Variants in WDR70 observed in about 807,000 individuals in gnomAD.
WDR70 encodes WD repeat domain 70.
A neutral mutation model predicts 88.6 loss-of-function variants in WDR70; 53 were observed. The ratio of observed to expected loss-of-function variants is 0.60; its 90% CI spans 0.48 to 0.75. The LOEUF (loss-of-function observed/expected upper bound fraction) is 0.75, where lower values mean the gene tolerates loss of function less well. Among genes scored for constraint, WDR70 ranks in the 30% least tolerant of loss-of-function variants. WDR70 has a pLI of 0.00. For missense variants in WDR70, 610 were observed against 823.2 expected (o/e 0.74, Z 3.17); for synonymous variants, 280 against 270.0 (o/e 1.04, Z -0.36).
chr5:37,680,047 T>C (rs1217687549), intron 10 of WDR70, among the ~76,000 whole-genome samples: 2 of 152,216 alleles, frequency 1.3e-5, no homozygotes, highest in Non-Finnish European at 2.9e-5. Flanking sequence ...TCCACAACCT[T>C]GCCAGCATCG....
At chr5:37,682,990 T>C (rs1004569057) in intron 10 of WDR70, among the ~76,000 whole-genome samples, 3 of 152,234 alleles carry the variant, frequency 2.0e-5, no homozygotes, top group African/African-American at 4.8e-5. Flanking sequence ...TGAAGGTCTC[T>C]AAGAACTTGC....
chr5:37,700,266 T>G (rs904475229), intron 11 of WDR70: 1 of 152,226 alleles, frequency 6.6e-6, no homozygotes, highest in Non-Finnish European at 1.5e-5. Flanking sequence ...TAAGTTTGGC[T>G]TTTCTGTTCA....
At chr5:37,392,557 C>T (rs1313680059) in intron 4 of WDR70, among the ~76,000 whole-genome samples, 1 of 152,162 alleles carries the variant, frequency 6.6e-6, no homozygotes, top group African/African-American at 2.4e-5. Context: ...CCATGTTGGC[C>T]AGGCTGGTCT....
rs771687733 is a variant in WDR70, at chr5:37,392,096, G to C, written c.272G>C (p.Arg91Thr). ...ACATCCTCAAGATCAAATGTGGTCA[G>C]AGATTGCTCCAAATCATCTTCCAGG... ...EPTSSRSNVV[R>T]DCSKSSSRDT... Residue 91 changes from arginine (R) to threonine (T), a missense_variant, in exon 4 of 18, where the codon AGA becomes ACA. Physicochemically the swap from Arg to Thr is moderately conservative, Grantham distance 71 (BLOSUM62 -1). Coordinates refer to ENST00000265107, the MANE Select transcript of WDR70 (RefSeq NM_018034.4). 6.2e-7 allele frequency: 1 copy of C among 1,611,152 alleles called. No homozygotes were observed. Among genetic ancestry groups the C allele is most frequent in the Admixed American group, 1.7e-5 (1 of 59,256 alleles).
chr5:37,393,192 C>T (rs939364193), intron 4 of WDR70, among the ~76,000 whole-genome samples: 4 of 151,878 alleles, frequency 2.6e-5, no homozygotes, highest in African/African-American at 7.3e-5. Context: ...CAGGTGCCCA[C>T]CACCATGCCC....
chr5:37,741,914 A>C (rs1009825995), intron 17 of WDR70, among the ~76,000 whole-genome samples: 1 of 152,176 alleles, frequency 6.6e-6, no homozygotes, highest in African/African-American at 2.4e-5. Context: ...TTCAGGGTTC[A>C]TCTGTATTAC....
chr5:37,708,546 A>T (rs1316833325), intron 13 of WDR70, among the ~76,000 whole-genome samples: 2 of 152,152 alleles, frequency 1.3e-5, no homozygotes, highest in Non-Finnish European at 2.9e-5. Flanking sequence ...TTCACAAAAA[A>T]GTTTTTGTGT....
chr5:37,512,369 C>T (rs932945304), intron 8 of WDR70, among the ~76,000 whole-genome samples: 1 of 152,028 alleles, frequency 6.6e-6, no homozygotes, highest in African/African-American at 2.4e-5. Flanking sequence ...CTACAGGCAC[C>T]TGCCACCACA....
At chr5:37,620,708 A>G (rs1744484568) in intron 10 of WDR70, among the ~76,000 whole-genome samples, 1 of 152,202 alleles carries the variant, frequency 6.6e-6, no homozygotes, top group Non-Finnish European at 1.5e-5. Flanking sequence ...GTTAGAATCC[A>G]GAGTTTGAAA....
intron 12 of WDR70, 99 bp from the exon 13 acceptor site, chr5:37,702,850 G>A: frequency 8.0e-7 from 1 of 1,242,634 alleles, no homozygotes; most frequent in Admixed American, 2.1e-5. Flanking sequence ...GCCCTATATA[G>A]GAGTTACAGA....
intron 10 of WDR70, among the ~76,000 whole-genome samples, chr5:37,649,303 A>C (rs1745326701): frequency 6.6e-6 from 1 of 151,992 alleles, no homozygotes; most frequent in African/African-American, 2.4e-5. Context: ...TAAGACCAGA[A>C]ATACAGGTTG....
chr5:37,529,955 G>A (rs1741429634), intron 9 of WDR70, among the ~76,000 whole-genome samples: 1 of 152,034 alleles, frequency 6.6e-6, no homozygotes, highest in South Asian at 2.1e-4. Context: ...GTTGGCTGTG[G>A]GATTGTCATA....
chr5:37,429,101 T>G (rs979953234), intron 5 of WDR70, among the ~76,000 whole-genome samples: 1 of 152,222 alleles, frequency 6.6e-6, no homozygotes, highest in Admixed American at 6.5e-5. Context: ...CTCCTGAGTG[T>G]CTGGGACTGC....
chr5:37,454,381 G>T (rs1314064416), intron 7 of WDR70, among the ~76,000 whole-genome samples: 1 of 152,016 alleles, frequency 6.6e-6, no homozygotes, highest in Non-Finnish European at 1.5e-5. Context: ...TGCATCTTAT[G>T]ATTTCCATTC....
In WDR70 at chr5:37,752,656, A is replaced by G. The variant is rs903314769; in HGVS notation, c.*83A>G. On this transcript the variant is annotated 3_prime_UTR_variant, in exon 18 of 18. Coordinates refer to ENST00000265107, the MANE Select transcript of WDR70 (RefSeq NM_018034.4). ...TTTTTTTTTATGCTCATGAAATTAA[A>G]AATTCATTTTTATGAACAGGTTTTG... 2 of 1,014,140 alleles carry G rather than the reference A, an allele frequency of 2.0e-6. No individual in the cohort carries two copies. Among genetic ancestry groups the G allele is most frequent in the South Asian group, 3.0e-5 (2 of 65,582 alleles). 62.8% of individuals were successfully genotyped at this position (1,014,140 alleles called of 1,614,324 possible).
At chr5:37,506,083 T>A in intron 8 of WDR70, 1 of 1,273,942 alleles carries the variant, frequency 7.8e-7, no homozygotes, top group Non-Finnish European at 1.1e-6. Context: ...CATTCAAGAT[T>A]TGCACAGTAA....
At chr5:37,491,894 A>T (rs1224691018) in intron 8 of WDR70, among the ~76,000 whole-genome samples, 1 of 152,194 alleles carries the variant, frequency 6.6e-6, no homozygotes, top group African/African-American at 2.4e-5. Context: ...TTTTCTAAAT[A>T]TTTACAGAAA....
chr5:37,607,631 G>T (rs114606876), intron 10 of WDR70, among the ~76,000 whole-genome samples: 1,991 of 152,232 alleles, frequency 0.013, 46 homozygotes, highest in African/African-American at 0.045. Context: ...AATACAATTA[G>T]AATTTCAGTT....
At chr5:37,420,785 G>A (rs538587962) in intron 5 of WDR70, among the ~76,000 whole-genome samples, 3 of 152,152 alleles carry the variant, frequency 2.0e-5, no homozygotes, top group African/African-American at 4.8e-5. Flanking sequence ...GTGCTGGTAC[G>A]TGCCTGTAGT....
Sources: allele counts gnomAD v4.1 joint callset (sites outside exome capture counted in the v4.1 genomes callset), GRCh38; gene constraint gnomAD v4.1.1; transcripts MANE v1.5; gene names NCBI Gene and HGNC (gene_info 2026-07-23, HGNC 2026-07-21).